RANBP17: variants seen among roughly 807,000 people sequenced by gnomAD.
RANBP17 encodes the protein RAN binding protein 17.
In RANBP17, 158 loss-of-function variants were observed where a neutral mutation model predicts 141.2. The observed-to-expected ratio is 1.12, with a 90% CI of 0.98 to 1.28. RANBP17 has a LOEUF of 1.28. Ranked by LOEUF, RANBP17 falls within the 50% of genes most tolerant of loss-of-function variation. RANBP17 has a pLI of 0.00. For missense variants in RANBP17, 1,438 were observed against 1,290.7 expected (o/e 1.11, Z -1.75); for synonymous variants, 430 against 450.0 (o/e 0.96, Z 0.56).
intron 12 of RANBP17, among the ~76,000 whole-genome samples, chr5:170,942,420 TA>T (rs962410005): frequency 1.2e-4 from 19 of 152,004 alleles, no homozygotes; most frequent in African/African-American, 1.2e-4. Context: ...CAATATTATA[TA>T]AAAAAATGAA....
At chr5:170,988,275 G>C (rs564942340) in intron 14 of RANBP17, among the ~76,000 whole-genome samples, 16 of 150,176 alleles carry the variant, frequency 1.1e-4, no homozygotes, top group South Asian at 2.1e-4. Context: ...AGTAATTATA[G>C]TTTGATGATT....
At chr5:170,899,103 C>G (rs1045683678) in intron 5 of RANBP17, among the ~76,000 whole-genome samples, 2 of 152,152 alleles carry the variant, frequency 1.3e-5, no homozygotes, top group African/African-American at 4.8e-5. Flanking sequence ...CTATAAATTA[C>G]TTTGGGCAAT....
At chr5:171,052,595 C>T (rs931855925) in intron 14 of RANBP17, among the ~76,000 whole-genome samples, 11 of 152,120 alleles carry the variant, frequency 7.2e-5, no homozygotes, top group East Asian at 3.8e-4. Flanking sequence ...TCTGTTCTTA[C>T]GCTATTATCA....
At chr5:171,264,910 G>A (rs1327578747) in intron 24 of RANBP17, among the ~76,000 whole-genome samples, 3 of 152,094 alleles carry the variant, frequency 2.0e-5, no homozygotes, top group Admixed American at 2.0e-4. Context: ...ACCCTATCAG[G>A]TGCTGCCTCC....
chr5:171,170,102 C>A (rs767105106), intron 14 of RANBP17, 28 bp from the exon 15 acceptor site: 52 of 1,293,868 alleles, frequency 4.0e-5, no homozygotes, highest in Non-Finnish European at 5.3e-5. Context: ...AATAGTAAAA[C>A]TTTTAACAAT....
intron 12 of RANBP17, among the ~76,000 whole-genome samples, chr5:170,952,777 A>G (rs545148251): frequency 5.3e-5 from 8 of 152,190 alleles, no homozygotes; most frequent in South Asian, 2.1e-4. Flanking sequence ...TTAGCAAGAT[A>G]ATTTTATGTT....
intron 14 of RANBP17, among the ~76,000 whole-genome samples, chr5:171,081,272 G>C (rs1387968584): frequency 6.6e-6 from 1 of 152,086 alleles, no homozygotes; most frequent in Non-Finnish European, 1.5e-5. Flanking sequence ...TAATATAAGT[G>C]ATGGCCTTCA....
In RANBP17 at chr5:170,923,080, A is replaced by C. The variant is rs554821741; in HGVS notation, c.1275-1277A>C. On this transcript the variant is annotated intron_variant, in intron 11 of 27. Transcript: ENST00000523189. The stretch of plus-strand genomic sequence containing the variant: ...TTTGTTGTTATACCTATGGAAACTA[A>C]TCCAGGGTCACAGAGATTTTTCTTT... Among the ~76,000 whole-genome samples the C allele has an allele frequency of 2.0e-5, 3 of 152,296 alleles. No homozygotes were observed. The East Asian group carries it at 5.8e-4, about 29-fold the overall frequency.
At chr5:171,186,967 A>G (rs1409430912) in intron 18 of RANBP17, among the ~76,000 whole-genome samples, 5 of 152,118 alleles carry the variant, frequency 3.3e-5, no homozygotes, top group African/African-American at 1.2e-4. Context: ...CAGGAGACCC[A>G]GCGTTTGACC....
chr5:171,090,507 T>C (rs1353163165), intron 14 of RANBP17, among the ~76,000 whole-genome samples: 2 of 152,190 alleles, frequency 1.3e-5, no homozygotes, highest in African/African-American at 4.8e-5. Flanking sequence ...TAGAAAAGAA[T>C]ATCCCATTTT....
intron 12 of RANBP17, among the ~76,000 whole-genome samples, chr5:170,938,211 G>A (rs375463312): frequency 7.5e-4 from 114 of 152,258 alleles, no homozygotes; most frequent in African/African-American, 2.6e-3. Flanking sequence ...GCCTTAGGCC[G>A]GTAGCAAGAT....
At position 171,116,775 on chromosome 5, in the gene RANBP17, G is replaced by A. The variant is rs540677367; in HGVS notation, c.1711-53355G>A. Reference sequence around the variant, plus strand: ...TCCTCCTATCTAGCTGTAATTTTGCGTGTGTGTGTTTTTAAACAAATCTCT... The same window carrying A: ...TCCTCCTATCTAGCTGTAATTTTGCATGTGTGTGTTTTTAAACAAATCTCT... On this transcript the variant is annotated intron_variant, in intron 14 of 27. Coordinates refer to ENST00000523189, the MANE Select transcript of RANBP17 (RefSeq NM_022897.5). Among the ~76,000 whole-genome samples the A allele has an allele frequency of 6.6e-5, 10 of 152,060 alleles. No individual in the cohort carries two copies. In the South Asian group the frequency reaches 1.0e-3, roughly 16 times the overall value.
At chr5:170,973,813 A>G (rs927418019) in intron 14 of RANBP17, among the ~76,000 whole-genome samples, 13 of 152,184 alleles carry the variant, frequency 8.5e-5, no homozygotes, top group African/African-American at 3.1e-4. Context: ...CTGTTTTCAT[A>G]GTTGGTGCCG....
At chr5:171,229,776 AAG>A (rs1205248997) in intron 22 of RANBP17, among the ~76,000 whole-genome samples, 6 of 149,828 alleles carry the variant, frequency 4.0e-5, no homozygotes, top group Non-Finnish European at 8.9e-5. Context: ...AAAAAAAAAA[AAG>A]AATCCACCTG....
In RANBP17 at chr5:171,276,918, TAAAAAAAAAAA is replaced by T. The variant is rs149425836; in HGVS notation, c.2943+11087_2943+11097del. On this transcript the variant is annotated intron_variant, in intron 25 of 27. Coordinates refer to ENST00000523189, the MANE Select transcript of RANBP17 (RefSeq NM_022897.5). ...TAAAAAGAATTCACTAAATGTATCT[TAAAAAAAAAAA>T]AAAAAAAAAAAAAAACCTCTGCAAG... Among the ~76,000 whole-genome samples, 4 of 82,236 alleles carry T rather than the reference TAAAAAAAAAAA, an allele frequency of 4.9e-5. No individual in the cohort carries two copies. In the East Asian group the frequency reaches 1.2e-3, roughly 24 times the overall value. The allele number at this position is 82,236 out of a possible 152,430, so 54.0% of individuals were successfully genotyped here.
At chr5:171,124,588 CA>C (rs1247384417) in intron 14 of RANBP17, among the ~76,000 whole-genome samples, 1 of 151,646 alleles carries the variant, frequency 6.6e-6, no homozygotes, top group Non-Finnish European at 1.5e-5. Flanking sequence ...TGTCAAAAGT[CA>C]AAAATGTAAA....
intron 14 of RANBP17, among the ~76,000 whole-genome samples, chr5:171,091,634 C>T (rs1786287123): frequency 6.6e-6 from 1 of 152,124 alleles, no homozygotes; most frequent in South Asian, 2.1e-4. Context: ...CTTGAATTCC[C>T]ATGTGTTGTG....
intron 14 of RANBP17, among the ~76,000 whole-genome samples, chr5:171,146,392 C>T (rs1337471153): frequency 6.6e-6 from 1 of 152,202 alleles, no homozygotes; most frequent in Non-Finnish European, 1.5e-5. Flanking sequence ...TCATTTTAAG[C>T]TTCACAACAA....
At chr5:170,886,901 G>A (rs533381732) in intron 3 of RANBP17, among the ~76,000 whole-genome samples, 1 of 151,978 alleles carries the variant, frequency 6.6e-6, no homozygotes, top group East Asian at 1.9e-4. Flanking sequence ...GAGCTCAAGC[G>A]ATCCGCCTGC....
Sources: gnomAD v4.1 joint callset for allele counts (sites outside exome capture counted in the v4.1 genomes callset) on GRCh38, gnomAD v4.1.1 for gene constraint, MANE v1.5 for transcripts, NCBI Gene and HGNC (gene_info 2026-07-23, HGNC 2026-07-21) for gene names.